The following DMD variants were observed in gnomAD, a reference collection of about 807,000 sequenced individuals.
DMD encodes the protein mutant dystrophin.
Under a neutral mutation model 330.1 loss-of-function variants are expected in DMD, and 63 were observed. The ratio of observed to expected loss-of-function variants is 0.19; its 90% CI spans 0.16 to 0.24. The LOEUF is 0.24. Among genes scored for constraint, DMD ranks in the 10% least tolerant of loss-of-function variants. The pLI is 1.00. For missense variants in DMD, 3,344 were observed against 2,684.1 expected (o/e 1.25, Z -5.43); for synonymous variants, 1,223 against 959.8 (o/e 1.27, Z -5.07).
intron 34 of DMD, among the ~76,000 whole-genome samples, chrX:32,368,077 T>C (rs1364320124): frequency 9.0e-6 from 1 of 111,601 alleles, no homozygotes; most frequent in Non-Finnish European, 1.9e-5. Context: ...AGATATGACT[T>C]AAGAAATAAG....
At chrX:31,445,763 G>A (rs111917090) in intron 59 of DMD, among the ~76,000 whole-genome samples, 2,892 of 111,255 alleles carry the variant, frequency 0.026, 93 homozygotes, top group African/African-American at 0.09. Context: ...ATAGCAATCC[G>A]TTGAGCAGAA....
At chrX:31,876,339 G>C (rs139596440) in intron 47 of DMD, among the ~76,000 whole-genome samples, 2 of 111,781 alleles carry the variant, frequency 1.8e-5, no homozygotes, top group Non-Finnish European at 3.8e-5. Flanking sequence ...TTTCAATTCT[G>C]GTTCTAGTTC....
chrX:32,883,797 C>G (rs2084209400), intron 2 of DMD, among the ~76,000 whole-genome samples: 1 of 81,217 alleles, frequency 1.2e-5, no homozygotes, highest in African/African-American at 5.1e-5. Context: ...GCACTCCAGC[C>G]TGGGTGACAG....
chrX:32,034,642 A>G (rs2095925754), intron 44 of DMD, among the ~76,000 whole-genome samples: 1 of 111,715 alleles, frequency 9.0e-6, no homozygotes, highest in African/African-American at 3.2e-5. Flanking sequence ...ACTAAGATCT[A>G]ATACAGTTTC....
intron 17 of DMD, among the ~76,000 whole-genome samples, chrX:32,521,609 C>T (rs1477825938): frequency 8.9e-6 from 1 of 112,314 alleles, no homozygotes; most frequent in Non-Finnish European, 1.9e-5. Flanking sequence ...CTGAATTCCA[C>T]AGCTATATAA....
At chrX:31,262,996 T>C (rs1197044935) in intron 62 of DMD, among the ~76,000 whole-genome samples, 2 of 112,580 alleles carry the variant, frequency 1.8e-5, no homozygotes, top group African/African-American at 3.2e-5. Context: ...CCAGATGTGA[T>C]ATAAGCACCA....
intron 65 of DMD, among the ~76,000 whole-genome samples, chrX:31,207,236 ACT>A (rs1165162565): frequency 8.9e-6 from 1 of 111,814 alleles, no homozygotes; most frequent in Non-Finnish European, 1.9e-5. Context: ...AAAATATCAT[ACT>A]CTATTAAACA....
chrX:31,330,690 G>A (rs12557137), intron 61 of DMD, among the ~76,000 whole-genome samples: 3 of 110,911 alleles, frequency 2.7e-5, no homozygotes, highest in African/African-American at 3.3e-5. Context: ...TATTTCTATC[G>A]TTTTCATTTC....
intron 1 of DMD, among the ~76,000 whole-genome samples, chrX:33,050,071 GTT>G: frequency 9.1e-6 from 1 of 109,791 alleles, no homozygotes; most frequent in African/African-American, 3.3e-5. Context: ...AATTGGTTTA[GTT>G]TTTTTTTCCA....
intron 33 of DMD, among the ~76,000 whole-genome samples, chrX:32,384,746 TTCTG>T (rs2097946781): frequency 9.0e-6 from 1 of 110,916 alleles, no homozygotes; most frequent in South Asian, 3.7e-4. Flanking sequence ...ACATTCATAT[TTCTG>T]TCTAAGATGA....
chrX:32,243,641 CT>C (rs896189576), intron 43 of DMD, among the ~76,000 whole-genome samples: 2 of 111,657 alleles, frequency 1.8e-5, no homozygotes, highest in African/African-American at 6.5e-5. Flanking sequence ...GTAGTGATGA[CT>C]TTTGTGCATC....
chrX:32,987,537 T>C (rs1384383558), intron 2 of DMD, among the ~76,000 whole-genome samples: 1 of 111,649 alleles, frequency 9.0e-6, no homozygotes, highest in South Asian at 3.8e-4. Flanking sequence ...TAAGTATACA[T>C]AGTCCTATTT....
At chrX:32,942,975 G>T (rs986111113) in intron 2 of DMD, among the ~76,000 whole-genome samples, 10 of 111,496 alleles carry the variant, frequency 9.0e-5, no homozygotes, top group African/African-American at 3.3e-4. Context: ...TCATGTAAAA[G>T]AAAAATTAGT....
In DMD at chrX:32,651,133, T is replaced by A. The variant is rs112213679; in HGVS notation, c.961-5981A>T. The stretch of plus-strand genomic sequence containing the variant: ...CAACAGCACTTTTAAAAAAATATAA[T>A]ATAACTTTTTTTTTTTCTGTTTTTT... On this transcript the variant is annotated intron_variant, in intron 9 of 78. Transcript: ENST00000357033. Among the ~76,000 whole-genome samples the A allele has an allele frequency of 0.087, 9,117 of 105,182 alleles. 930 individuals carry two copies. Among genetic ancestry groups the A allele is most frequent in the African/African-American group, 0.32 (8,627 of 26,843 alleles). 91.3% of individuals were successfully genotyped at this position (105,182 alleles called of 115,157 possible). A position where few individuals can be genotyped will look rare whatever the true frequency, so the allele number is the denominator to read the frequency against.
At position 32,775,045 on chromosome X, in the gene DMD, A is replaced by T. The variant is rs917072536; in HGVS notation, c.649+34448T>A. On this transcript the variant is annotated intron_variant, in intron 7 of 78. Coordinates refer to ENST00000357033, the MANE Select transcript of DMD (RefSeq NM_004006.3). ...GGAAACTGGTCAAAGCAAAGTAGAC[A>T]CAGGTCCCACGCAAGTTTGAAATGC... Among the ~76,000 whole-genome samples the T allele has an allele frequency of 3.7e-4, 42 of 112,294 alleles. No individual in the cohort carries two copies. In the Admixed American group the frequency reaches 3.9e-3, roughly 10 times the overall value.
intron 55 of DMD, among the ~76,000 whole-genome samples, chrX:31,523,250 A>T (rs2072994190): frequency 9.0e-6 from 1 of 111,319 alleles, no homozygotes; most frequent in African/African-American, 3.3e-5. Flanking sequence ...CCTTTATAAG[A>T]ATGATGGATC....
At chrX:31,628,247 A>G (rs1037770780) in intron 54 of DMD, among the ~76,000 whole-genome samples, 9 of 109,675 alleles carry the variant, frequency 8.2e-5, no homozygotes, top group Non-Finnish European at 1.7e-4. Context: ...TTTTTAATAT[A>G]CTGCCAAATT....
intron 44 of DMD, among the ~76,000 whole-genome samples, chrX:32,116,067 C>A (rs1264051864): frequency 8.9e-6 from 1 of 111,828 alleles, no homozygotes; most frequent in African/African-American, 3.3e-5. Context: ...CCTGCAAGAT[C>A]CCGTGTGATC....
chrX:31,941,532 C>T (rs181853777), intron 45 of DMD, among the ~76,000 whole-genome samples: 14 of 111,527 alleles, frequency 1.3e-4, no homozygotes, highest in Admixed American at 4.8e-4. Context: ...CTGTCTCCTT[C>T]GCTCCTTCTC....
Sources: gnomAD v4.1 joint callset for allele counts (sites outside exome capture counted in the v4.1 genomes callset) on GRCh38, gnomAD v4.1.1 for gene constraint, MANE v1.5 for transcripts, NCBI Gene and HGNC (gene_info 2026-07-23, HGNC 2026-07-21) for gene names.